Variants in PARD3 observed in about 807,000 individuals in gnomAD.
The protein encoded by PARD3 is par-3 family cell polarity regulator, also known as partitioning defective 3 homolog.
Under a neutral mutation model 155.4 loss-of-function variants are expected in PARD3, and 75 were observed. That is an observed-to-expected ratio of 0.48 (90% confidence interval 0.40 to 0.58). PARD3 has a LOEUF of 0.58. Ranked by LOEUF, PARD3 falls within the 20% of genes least tolerant of loss-of-function variation. PARD3 has a pLI of 0.00. For missense variants in PARD3, 1,642 were observed against 1,721.7 expected (o/e 0.95, Z 0.82); for synonymous variants, 576 against 610.5 (o/e 0.94, Z 0.83).
At chr10:34,136,128 G>A (rs12573568) in intron 22 of PARD3, among the ~76,000 whole-genome samples, 123 of 152,244 alleles carry the variant, frequency 8.1e-4, no homozygotes, top group Non-Finnish European at 1.5e-3. Context: ...TTTATCTGTC[G>A]CTTCTCCAGG....
intron 2 of PARD3, among the ~76,000 whole-genome samples, chr10:34,534,403 G>A (rs576309896): frequency 2.0e-5 from 3 of 152,242 alleles, no homozygotes; most frequent in African/African-American, 4.8e-5. Flanking sequence ...AGAGCGGCAG[G>A]AGAAATTTGA....
At chr10:34,242,737 C>T (rs368522828) in intron 22 of PARD3, among the ~76,000 whole-genome samples, 1 of 152,084 alleles carries the variant, frequency 6.6e-6, no homozygotes, top group African/African-American at 2.4e-5. Context: ...AGTTCGAGAC[C>T]AGCCTGACCA....
At chr10:34,444,434 T>C (rs1276304901) in intron 5 of PARD3, among the ~76,000 whole-genome samples, 1 of 152,216 alleles carries the variant, frequency 6.6e-6, no homozygotes, top group African/African-American at 2.4e-5. Flanking sequence ...GGGAAACAGT[T>C]ACCATTAAAA....
intron 22 of PARD3, among the ~76,000 whole-genome samples, chr10:34,211,232 C>T (rs774726346): frequency 6.6e-6 from 1 of 152,068 alleles, no homozygotes; most frequent in Non-Finnish European, 1.5e-5. Flanking sequence ...TGTCTAGGGT[C>T]GTAAAGATTA....
chr10:34,556,082 G>C (rs749403542), intron 2 of PARD3, among the ~76,000 whole-genome samples: 4 of 152,198 alleles, frequency 2.6e-5, no homozygotes, highest in Non-Finnish European at 5.9e-5. Flanking sequence ...CAACTCATGG[G>C]AAAGAAGAAT....
At chr10:34,787,804 G>A (rs1841163796) in intron 1 of PARD3, among the ~76,000 whole-genome samples, 1 of 151,062 alleles carries the variant, frequency 6.6e-6, no homozygotes, top group Non-Finnish European at 1.5e-5. Flanking sequence ...TTTGAGACAG[G>A]GTGTCACTCT....
At chr10:34,462,977 G>C (rs531362967) in intron 4 of PARD3, among the ~76,000 whole-genome samples, 87 of 95,580 alleles carry the variant, frequency 9.1e-4, no homozygotes, top group African/African-American at 3.1e-3. Context: ...GAGAAGCAGG[G>C]AAGGGGAAGG....
chr10:34,353,964 T>C (rs1006545173), intron 14 of PARD3, among the ~76,000 whole-genome samples: 10 of 151,424 alleles, frequency 6.6e-5, no homozygotes, highest in African/African-American at 2.4e-4. Flanking sequence ...CAAACAATGA[T>C]GGTTTATACA....
At chr10:34,631,670 C>A (rs2092276850) in intron 2 of PARD3, among the ~76,000 whole-genome samples, 1 of 152,216 alleles carries the variant, frequency 6.6e-6, no homozygotes, top group Non-Finnish European at 1.5e-5. Context: ...GTGGCACAAT[C>A]TTGGCTTACT....
intron 2 of PARD3, among the ~76,000 whole-genome samples, chr10:34,695,555 A>C (rs1356416144): frequency 1.4e-4 from 21 of 151,820 alleles, no homozygotes; most frequent in Non-Finnish European, 2.9e-5. Context: ...CAAAACGCTG[A>C]ACGTTCCTCC....
intron 2 of PARD3, among the ~76,000 whole-genome samples, chr10:34,639,304 G>A (rs541965047): frequency 1.3e-5 from 2 of 152,108 alleles, no homozygotes; most frequent in South Asian, 4.1e-4. Context: ...GCTGAGGTAG[G>A]AGAATCCCTT....
rs1182900748 is a variant in PARD3 at position 34,584,672 on chromosome 10, A to G, written c.223-67513T>C. 2.0e-5 allele frequency among the ~76,000 whole-genome samples: 3 copies of G among 152,136 alleles called. No homozygotes were observed. In the East Asian group the frequency reaches 5.8e-4, roughly 29 times the overall value. On this transcript the variant is annotated intron_variant, in intron 2 of 24. Transcript: ENST00000374788. The stretch of plus-strand genomic sequence containing the variant: ...ATGTTTGTCTATTATTTTTCAGTTG[A>G]GAGACAAACCTTTTTTTGAAAACTT...
At chr10:34,529,521 C>G (rs1314268961) in intron 2 of PARD3, among the ~76,000 whole-genome samples, 1 of 152,086 alleles carries the variant, frequency 6.6e-6, no homozygotes, top group African/African-American at 2.4e-5. Flanking sequence ...GGGATGCAAA[C>G]CCCCCACACA....
chr10:34,681,756 ATATATATATATATTTTTTTT>A (rs2093837411), intron 2 of PARD3, among the ~76,000 whole-genome samples: 4 of 18,920 alleles, frequency 2.1e-4, no homozygotes, highest in African/African-American at 8.5e-4. Context: ...ATATATATAT[ATATATATATATATTTTTTTT>A]TTTTTTTTTT....
chr10:34,736,330 CTT>C (rs564413627), intron 1 of PARD3, among the ~76,000 whole-genome samples: 48 of 128,340 alleles, frequency 3.7e-4, no homozygotes, highest in Non-Finnish European at 3.0e-4. Flanking sequence ...GCGCCTGGCC[CTT>C]TTTTTTTTTT....
At chr10:34,261,782 AAAGAAAG>A (rs1955007544) in intron 22 of PARD3, among the ~76,000 whole-genome samples, 1 of 13,494 alleles carries the variant, frequency 7.4e-5, no homozygotes, top group African/African-American at 1.4e-4. Flanking sequence ...GAAAGAAAGA[AAAGAAAG>A]AAAGAAAGAA....
At chr10:34,810,553 C>T (rs933088275) in intron 1 of PARD3, among the ~76,000 whole-genome samples, 1 of 152,202 alleles carries the variant, frequency 6.6e-6, no homozygotes, top group African/African-American at 2.4e-5. Flanking sequence ...CCCATACACA[C>T]ATGCAACACA....
intron 1 of PARD3, among the ~76,000 whole-genome samples, chr10:34,798,438 C>T (rs2134306742): frequency 6.6e-6 from 1 of 151,912 alleles, no homozygotes; most frequent in East Asian, 1.9e-4. Flanking sequence ...GGCGCAGTGG[C>T]TCACAACTGT....
intron 1 of PARD3, among the ~76,000 whole-genome samples, chr10:34,812,652 T>C (rs1047487645): frequency 6.6e-6 from 1 of 152,186 alleles, no homozygotes; most frequent in African/African-American, 2.4e-5. Flanking sequence ...ATCCAATGAC[T>C]GAACTTGGTA....
Sources: gnomAD v4.1 joint callset for allele counts (sites outside exome capture counted in the v4.1 genomes callset) on GRCh38, gnomAD v4.1.1 for gene constraint, MANE v1.5 for transcripts, NCBI Gene and HGNC (gene_info 2026-07-23, HGNC 2026-07-21) for gene names.